SRPK2: variants seen among roughly 807,000 people sequenced by gnomAD.
The protein encoded by SRPK2 is SRSF protein kinase 2.
SRPK2 carries 21 observed loss-of-function variants against 90.8 expected under a neutral mutation model. The observed-to-expected ratio is 0.23, with a 90% confidence interval of 0.16 to 0.33. The LOEUF (loss-of-function observed/expected upper bound fraction) is 0.33, where lower values mean the gene tolerates loss of function less well. Ranked by LOEUF, SRPK2 falls within the 10% of genes least tolerant of loss-of-function variation. The pLI is 1.00. For missense variants in SRPK2, 620 were observed against 869.0 expected, an observed-to-expected ratio of 0.71 and a Z score of 3.60; for synonymous variants, 288 against 311.1, an observed-to-expected ratio of 0.93 and a Z score of 0.78.
intron 2 of SRPK2, among the ~76,000 whole-genome samples, chr7:105,274,454 C>T (rs1316456384): frequency 2.0e-5 from 3 of 151,942 alleles, no homozygotes; most frequent in Non-Finnish European, 2.9e-5. Context: ...CCCAGCTACT[C>T]GGGAGGCTGA....
intron 9 of SRPK2, among the ~76,000 whole-genome samples, chr7:105,145,061 G>A (rs926910935): frequency 5.5e-5 from 8 of 144,982 alleles, no homozygotes; most frequent in African/African-American, 1.8e-4. Flanking sequence ...AGCCGAGATC[G>A]CACCACTTGC....
At chr7:105,245,932 C>T (rs1801598717) in intron 2 of SRPK2, among the ~76,000 whole-genome samples, 1 of 152,112 alleles carries the variant, frequency 6.6e-6, no homozygotes, top group Admixed American at 6.5e-5. Context: ...TGTTAGGTCA[C>T]CGCGAGGCAG....
intron 2 of SRPK2, among the ~76,000 whole-genome samples, chr7:105,272,037 A>G (rs1391507211): frequency 6.6e-6 from 1 of 152,204 alleles, no homozygotes; most frequent in Non-Finnish European, 1.5e-5. Flanking sequence ...AGATTTTGTT[A>G]CATTAATTGA....
chr7:105,129,006 T>C (rs1328820077), intron 13 of SRPK2, among the ~76,000 whole-genome samples: 1 of 152,238 alleles, frequency 6.6e-6, no homozygotes, highest in East Asian at 1.9e-4. Context: ...AGTCTCGCTC[T>C]GTCACCCAGG....
At chr7:105,186,306 A>T (rs1474672792) in intron 3 of SRPK2, among the ~76,000 whole-genome samples, 6 of 152,206 alleles carry the variant, frequency 3.9e-5, no homozygotes, top group Non-Finnish European at 7.3e-5. Flanking sequence ...AATAGTGACC[A>T]TTATACCCAA....
intron 11 of SRPK2, among the ~76,000 whole-genome samples, chr7:105,137,833 T>C (rs1803104257): frequency 6.6e-6 from 1 of 152,208 alleles, no homozygotes; most frequent in South Asian, 2.1e-4. Flanking sequence ...CTACACAAAC[T>C]CTTCATTGTT....
chr7:105,214,311 T>C (rs1327705931), intron 2 of SRPK2, among the ~76,000 whole-genome samples: 2 of 152,252 alleles, frequency 1.3e-5, no homozygotes, highest in Non-Finnish European at 2.9e-5. Flanking sequence ...TAGAACATTT[T>C]TTATACAGCT....
At chr7:105,193,251 T>C (rs1794525094) in intron 3 of SRPK2, among the ~76,000 whole-genome samples, 1 of 152,212 alleles carries the variant, frequency 6.6e-6, no homozygotes, top group Non-Finnish European at 1.5e-5. Context: ...TTTCATTCTC[T>C]TACAGATGGC....
intron 7 of SRPK2, among the ~76,000 whole-genome samples, chr7:105,153,464 T>TC (rs1562996700): frequency 6.6e-6 from 1 of 152,136 alleles, no homozygotes; most frequent in African/African-American, 2.4e-5. Flanking sequence ...TCTGCTCCTC[T>TC]CCACCACAAC....
At chr7:105,337,533 TCAA>T (rs1815250316) in intron 2 of SRPK2, among the ~76,000 whole-genome samples, 2 of 151,950 alleles carry the variant, frequency 1.3e-5, no homozygotes, top group African/African-American at 4.8e-5. Context: ...CAGGCTGGTC[TCAA>T]ACTCCTGACC....
chr7:105,246,656 C>G (rs1801701356), intron 2 of SRPK2, among the ~76,000 whole-genome samples: 1 of 152,238 alleles, frequency 6.6e-6, no homozygotes. Context: ...CTGAGAGGTA[C>G]TGCTTTGGGT....
At chr7:105,175,552 A>G (rs1051885233) in intron 3 of SRPK2, among the ~76,000 whole-genome samples, 5 of 152,188 alleles carry the variant, frequency 3.3e-5, no homozygotes, top group African/African-American at 1.2e-4. Flanking sequence ...AAAAAAGCAT[A>G]AGAACAGTCG....
At chr7:105,186,070 T>C (rs1391358716) in intron 3 of SRPK2, among the ~76,000 whole-genome samples, 1 of 152,232 alleles carries the variant, frequency 6.6e-6, no homozygotes, top group African/African-American at 2.4e-5. Context: ...TTAGGTTTAA[T>C]GTCTGCAAAA....
intron 2 of SRPK2, among the ~76,000 whole-genome samples, chr7:105,243,299 C>A (rs1801068784): frequency 6.6e-6 from 1 of 152,192 alleles, no homozygotes; most frequent in South Asian, 2.1e-4. Flanking sequence ...AGCCAATGCA[C>A]CCCGCCTACA....
chr7:105,392,550 G>C (rs1021268244), upstream of SRPK2, among the ~76,000 whole-genome samples: 2 of 152,188 alleles, frequency 1.3e-5, no homozygotes, highest in Non-Finnish European at 2.9e-5. Flanking sequence ...ATCTTGCTCT[G>C]TTGCCGAGGC....
intron 2 of SRPK2, among the ~76,000 whole-genome samples, chr7:105,289,770 AT>A (rs1808706893): frequency 6.6e-6 from 1 of 152,020 alleles, no homozygotes; most frequent in Admixed American, 6.5e-5. Flanking sequence ...TACTTGTCTA[AT>A]TGTTTGTCAT....
intron 2 of SRPK2, among the ~76,000 whole-genome samples, chr7:105,264,943 T>C (rs989929814): frequency 5.9e-5 from 9 of 152,166 alleles, no homozygotes; most frequent in African/African-American, 2.2e-4. Context: ...CAACTTTCTT[T>C]ACTGATTAAG....
At chr7:105,365,277 G>A (rs1199006633) in intron 2 of SRPK2, among the ~76,000 whole-genome samples, 4 of 151,868 alleles carry the variant, frequency 2.6e-5, no homozygotes, top group Non-Finnish European at 5.9e-5. Flanking sequence ...CTGAGATCAG[G>A]AGCTGGAGAC....
chr7:105,301,645 A>T, intron 2 of SRPK2: 7 of 1,611,452 alleles, frequency 4.3e-6, no homozygotes, highest in Non-Finnish European at 2.5e-6. Flanking sequence ...TGGTGATCCC[A>T]AAGCCTTCTT....
Sources: gnomAD v4.1 joint callset for allele counts (sites outside exome capture counted in the v4.1 genomes callset) on GRCh38, gnomAD v4.1.1 for gene constraint, MANE v1.5 for transcripts, NCBI Gene and HGNC (gene_info 2026-07-23, HGNC 2026-07-21) for gene names.